ERH: variants seen among roughly 807,000 people sequenced by gnomAD.
ERH encodes the protein ERH mRNA splicing and mitosis factor.
In ERH, 1 loss-of-function variant was observed where a neutral mutation model predicts 16.8. That is an observed-to-expected ratio of 0.06 (90% CI 0.02 to 0.28). ERH has a LOEUF of 0.28. ERH is among the 10% of genes least tolerant of loss of function. The pLI is 1.00. For synonymous variants in ERH, 43 were observed against 43.6 expected (o/e 0.99, Z 0.05); for missense variants, 42 against 127.5 (o/e 0.33, Z 3.23).
At chr14:69,396,447 GA>G (rs2140235318) in intron 1 of ERH, among the ~76,000 whole-genome samples, 1 of 152,312 alleles carries the variant, frequency 6.6e-6, no homozygotes, top group East Asian at 1.9e-4. Flanking sequence ...TTTTAGTAGA[GA>G]TGGGGTTTCT....
chr14:69,394,302 C>T (rs933237576), intron 2 of ERH, among the ~76,000 whole-genome samples: 4 of 151,818 alleles, frequency 2.6e-5, no homozygotes, highest in African/African-American at 9.7e-5. Context: ...AAAAAAAACA[C>T]CTAATACTTG....
At chr14:69,398,193 G>GGGACTC in intron 1 of ERH, 38 bp downstream of exon 1, 2 of 1,613,706 alleles carry the variant, frequency 1.2e-6, no homozygotes, top group Non-Finnish European at 8.5e-7. Flanking sequence ...CTGGAGGCCG[G>GGGACTC]GGACTCGGAC....
chr14:69,394,065 A>G (rs12588551), intron 2 of ERH, among the ~76,000 whole-genome samples: 6,075 of 152,130 alleles, frequency 0.04, 160 homozygotes, highest in East Asian at 0.083. Context: ...TATGCCATAT[A>G]TCTATATAAG....
chr14:69,389,743 A>G (rs1268720813), intron 2 of ERH, among the ~76,000 whole-genome samples: 7 of 152,190 alleles, frequency 4.6e-5, no homozygotes, highest in Admixed American at 4.6e-4. Flanking sequence ...CAAAACGTGT[A>G]CACCCTACAC....
At position 69,387,140 on chromosome 14, in the gene ERH, G is replaced by A. The variant is rs1018583200; in HGVS notation, c.92-57C>T. 1.1e-4 allele frequency: 169 copies of A among 1,479,134 alleles called. No individual in the cohort carries two copies. The East Asian group carries it at 3.7e-3, about 33-fold the overall frequency. 91.6% of individuals were successfully genotyped at this position (1,479,134 alleles called of 1,614,324 possible). ...TACAATCGCATACACTTCTAGATATGAGCAGTGCTTATGAGCTGTGCTATA... is the reference window on the plus strand; with the variant it reads ...TACAATCGCATACACTTCTAGATATAAGCAGTGCTTATGAGCTGTGCTATA... On this transcript the variant is annotated intron_variant, in intron 2 of 3. Coordinates refer to ENST00000557016, the MANE Select transcript of ERH (RefSeq NM_004450.3).
chr14:69,386,283 GCT>G (rs1187023184), intron 3 of ERH, among the ~76,000 whole-genome samples: 1 of 152,172 alleles, frequency 6.6e-6, no homozygotes, highest in Non-Finnish European at 1.5e-5. Context: ...TCTCATCACT[GCT>G]CTTTCAACTT....
At chr14:69,386,933 A>G in intron 3 of ERH, 30 bp downstream of exon 3, 1 of 1,607,874 alleles carries the variant, frequency 6.2e-7, no homozygotes, top group Non-Finnish European at 8.5e-7. Context: ...TAGAAAATAC[A>G]AGATAAAAGA....
Position 69,381,697 on chromosome 14 carries a change from G to A in ERH, c.213-1057C>T, listed in dbSNP as rs370586991. On this transcript the variant is annotated intron_variant, in intron 3 of 3. Coordinates refer to ENST00000557016, the MANE Select transcript of ERH (RefSeq NM_004450.3). ...CCCACCACCCCCACCACCGACCCCT[G>A]CTTTTTTTTGAGACAGAATCTCACT... Among the ~76,000 whole-genome samples the A allele has an allele frequency of 1.4e-4, 21 of 152,068 alleles. 1 individual carries two copies. The East Asian group carries it at 3.7e-3, about 27-fold the overall frequency.
chr14:69,396,095 T>C (rs1882325439), intron 1 of ERH, among the ~76,000 whole-genome samples: 2 of 152,242 alleles, frequency 1.3e-5, no homozygotes, highest in African/African-American at 2.4e-5. Context: ...TCCAATTTTC[T>C]GCTACATGTG....
chr14:69,392,696 T>C (rs1055120579), intron 2 of ERH, among the ~76,000 whole-genome samples: 2 of 152,178 alleles, frequency 1.3e-5, no homozygotes, highest in African/African-American at 2.4e-5. Flanking sequence ...TTAATGACAA[T>C]GTATCAGTAA....
rs115303111 is a variant in ERH, at chr14:69,389,399, C to T, written c.92-2316G>A. ...AGGAAGAATACCAGAATATTTATTG[C>T]GCTACTTGTATTCAACATTGTACTA... On this transcript the variant is annotated intron_variant, in intron 2 of 3. Coordinates refer to ENST00000557016, the MANE Select transcript of ERH (RefSeq NM_004450.3). 3.2e-3 allele frequency among the ~76,000 whole-genome samples: 482 copies of T among 152,228 alleles called. 4 individuals carry two copies. The highest frequency in any genetic ancestry group is 0.011 in the African/African-American group (463 of 41,538).
intron 1 of ERH, among the ~76,000 whole-genome samples, chr14:69,395,905 C>T (rs1042519620): frequency 1.3e-5 from 2 of 152,202 alleles, no homozygotes; most frequent in East Asian, 1.9e-4. Context: ...TCTTCCACTT[C>T]GTGCTCACTG....
At chr14:69,390,593 A>G (rs2045918748) in intron 2 of ERH, among the ~76,000 whole-genome samples, 2 of 152,222 alleles carry the variant, frequency 1.3e-5, no homozygotes, top group African/African-American at 4.8e-5. Flanking sequence ...GAAAAAAATA[A>G]AGGCATTAAT....
rs193051508 is a variant in ERH at position 69,380,258 on chromosome 14, T to C, written c.*280A>G. On this transcript the variant is annotated 3_prime_UTR_variant, in exon 4 of 4. Coordinates refer to ENST00000557016, the MANE Select transcript of ERH (RefSeq NM_004450.3). ...AATGTTATAAAGTAGATATGAACAG[T>C]TGAAGGACTGGAACCAACATTAAGT... The C allele has an allele frequency of 7.4e-3, 2,263 of 307,380 alleles. 29 individuals carry two copies. The highest frequency in any genetic ancestry group is 5.9e-3 in the Non-Finnish European group (995 of 167,336). 19.0% of individuals were successfully genotyped at this position (307,380 alleles called of 1,614,324 possible).
Position 69,392,402 on chromosome 14 carries a change from T to TA in ERH, c.91+2422dup, listed in dbSNP as rs1293766032. ...AACATAATAAATGCACATTGCTAAGTAAAAAAAGCCAGTTAAGAAAAAGCC... is the reference window on the plus strand; with the variant it reads ...AACATAATAAATGCACATTGCTAAGTAAAAAAAAGCCAGTTAAGAAAAAGCC... On this transcript the variant is annotated intron_variant, in intron 2 of 3. Coordinates refer to ENST00000557016, the MANE Select transcript of ERH (RefSeq NM_004450.3). 3.3e-5 allele frequency among the ~76,000 whole-genome samples: 5 copies of TA among 151,944 alleles called. No individual in the cohort carries two copies. The South Asian group carries it at 8.3e-4, about 25-fold the overall frequency.
At chr14:69,393,848 C>T (rs1173482531) in intron 2 of ERH, among the ~76,000 whole-genome samples, 3 of 152,010 alleles carry the variant, frequency 2.0e-5, no homozygotes, top group African/African-American at 7.3e-5. Flanking sequence ...ACAGTGACCC[C>T]ATCTCTATAA....
intron 2 of ERH, among the ~76,000 whole-genome samples, chr14:69,389,023 T>C (rs7143230): frequency 0.19 from 28,474 of 151,972 alleles, 2,807 homozygotes; most frequent in South Asian, 0.26. Flanking sequence ...CCCACAGTTA[T>C]ACTTTTTTTT....
chr14:69,391,136 A>G (rs530345074), intron 2 of ERH, among the ~76,000 whole-genome samples: 3 of 152,200 alleles, frequency 2.0e-5, no homozygotes, highest in Non-Finnish European at 4.4e-5. Context: ...GTATTTACGC[A>G]AATGAGCTGA....
rs566449463 is a variant in ERH at position 69,398,138 on chromosome 14, C to G, written c.3+93G>C. On this transcript the variant is annotated intron_variant, in intron 1 of 3. Coordinates refer to ENST00000557016, the MANE Select transcript of ERH (RefSeq NM_004450.3). ...TGGCGGGGAGCATCACGCGGCGCTG[C>G]ATGGGGCTCGTGGGGAGGGGAAAAC... is the stretch of plus-strand genomic sequence containing the variant. 61 of 1,442,176 alleles carry G rather than the reference C, an allele frequency of 4.2e-5. No individual in the cohort carries two copies. The African/African-American group carries it at 7.7e-4, about 18-fold the overall frequency. 89.3% of individuals were successfully genotyped at this position (1,442,176 alleles called of 1,614,324 possible).
Sources: allele counts gnomAD v4.1 joint callset (sites outside exome capture counted in the v4.1 genomes callset), GRCh38; gene constraint gnomAD v4.1.1; transcripts MANE v1.5; gene names NCBI Gene and HGNC (gene_info 2026-07-23, HGNC 2026-07-21).